The following MARK4 variants were observed in gnomAD, a reference collection of about 807,000 sequenced individuals.
MARK4 encodes the protein MAP/microtubule affinity-regulating kinase 4.
A neutral mutation model predicts 81.5 loss-of-function variants in MARK4; 19 were observed. The observed-to-expected ratio is 0.23, with a 90% confidence interval of 0.16 to 0.34. The LOEUF (loss-of-function observed/expected upper bound fraction) is 0.34. MARK4 is among the 10% of genes least tolerant of loss of function. MARK4 has a pLI of 1.00. For missense variants in MARK4, 772 were observed against 1,058.8 expected, an observed-to-expected ratio of 0.73 and a Z score of 3.76; for synonymous variants, 436 against 439.0, an observed-to-expected ratio of 0.99 and a Z score of 0.08.
chr19:45,289,897 G>A (rs1970799422), intron 13 of MARK4, among the ~76,000 whole-genome samples: 1 of 152,184 alleles, frequency 6.6e-6, no homozygotes, highest in South Asian at 2.1e-4. Flanking sequence ...AGGAGTTCGA[G>A]ACCAACCTGT....
At chr19:45,286,300 C>T (rs1474942390) in intron 12 of MARK4, among the ~76,000 whole-genome samples, 5 of 151,930 alleles carry the variant, frequency 3.3e-5, no homozygotes, top group Admixed American at 6.5e-5. Flanking sequence ...GTGATCCACC[C>T]GCCTTAGCCT....
chr19:45,257,988 C>CT (rs750146000), intron 1 of MARK4, among the ~76,000 whole-genome samples: 2,818 of 131,642 alleles, frequency 0.021, 73 homozygotes, highest in African/African-American at 0.063. Context: ...CATGCCTGGC[C>CT]TTTTTTTTTT....
chr19:45,277,681 T>C (rs1970616256), intron 8 of MARK4, among the ~76,000 whole-genome samples: 1 of 152,008 alleles, frequency 6.6e-6, no homozygotes, highest in Non-Finnish European at 1.5e-5. Flanking sequence ...AATTTTTTTT[T>C]TTAAATTGCA....
chr19:45,280,538 G>C, intron 11 of MARK4, 37 bp from the exon 12 acceptor site: 2 of 1,614,020 alleles, frequency 1.2e-6, no homozygotes, highest in Non-Finnish European at 1.7e-6. Flanking sequence ...GGAGGGACTT[G>C]GGGTGCAGAA....
Position 45,271,732 on chromosome 19 carries a change from G to A in MARK4, c.786+24G>A, listed in dbSNP as rs1416511279. Reference sequence around the variant, plus strand: ...AGGTACCGAGAGGGGCTGGGTGCAGGGGCATCAGCCCCTCCCCACAGTCAG... The same window carrying A: ...AGGTACCGAGAGGGGCTGGGTGCAGAGGCATCAGCCCCTCCCCACAGTCAG... On this transcript the variant is annotated intron_variant, in intron 8 of 16. Transcript: ENST00000262891. The surrounding 1 kb of genome is among the most constrained non-coding windows in gnomAD (Gnocchi z 4.1). The A allele has an allele frequency of 6.2e-7, 1 of 1,602,972 alleles. No individual in the cohort carries two copies. Among genetic ancestry groups the A allele is most frequent in the Non-Finnish European group, 8.5e-7 (1 of 1,171,676 alleles).
chr19:45,271,740 GC>G lies in MARK4; in HGVS notation c.786+36del. ...AGAGGGGCTGGGTGCAGGGGCATCA[GC>G]CCCTCCCCACAGTCAGGCCCCTATC... is the stretch of plus-strand genomic sequence containing the variant. On this transcript the variant is annotated intron_variant, in intron 8 of 16. Coordinates refer to ENST00000262891, the MANE Select transcript of MARK4 (RefSeq NM_001199867.2). The surrounding 1 kb of genome is among the most constrained non-coding windows in gnomAD (Gnocchi z 4.1). 1.3e-6 allele frequency: 2 copies of G among 1,597,910 alleles called. No homozygotes were observed. The highest frequency in any genetic ancestry group is 1.7e-6 in the Non-Finnish European group (2 of 1,168,708).
intron 8 of MARK4, among the ~76,000 whole-genome samples, chr19:45,277,694 G>A (rs1055927696): frequency 2.0e-5 from 3 of 151,740 alleles, no homozygotes; most frequent in Admixed American, 6.6e-5. Context: ...AAATTGCAGC[G>A]TCCATATGAT....
rs775536202 is a variant in MARK4 at position 45,264,917 on chromosome 19, G to C, written c.492+7G>C. On this transcript the variant is annotated splice_region_variant and intron_variant, in intron 6 of 16. Coordinates refer to ENST00000262891, the MANE Select transcript of MARK4 (RefSeq NM_001199867.2). ...TCGAGCCAAGTTCCGACAGGTTGGG[G>C]CAGGGCTGAGGGTGGGGCTGACTGG... 6 of 1,614,016 alleles carry C rather than the reference G, an allele frequency of 3.7e-6. No individual in the cohort carries two copies. Among genetic ancestry groups the C allele is most frequent in the Non-Finnish European group, 5.1e-6 (6 of 1,179,930 alleles).
chr19:45,304,049 A>G lies in MARK4; in HGVS notation c.*1339A>G, dbSNP rs1408822974. 2 of 152,240 alleles carry G rather than the reference A, an allele frequency of 1.3e-5. No individual in the cohort carries two copies. Among genetic ancestry groups the G allele is most frequent in the Admixed American group, 1.3e-4 (2 of 15,284 alleles). The allele number at this position is 152,240 out of a possible 1,614,324, so 9.4% of individuals were successfully genotyped here. A position where few individuals can be genotyped will look rare whatever the true frequency, so the allele number is the denominator to read the frequency against. ...TAATCCATCTACGCTGCTTAAGCAA[A>G]AAGGTATTTGTTGGTTTATGTTACT... On this transcript the variant is annotated 3_prime_UTR_variant, in exon 17 of 17. Transcript: ENST00000262891.
intron 3 of MARK4, 43 bp from the exon 4 acceptor site, chr19:45,263,276 C>G (rs1970404005): frequency 6.2e-7 from 1 of 1,614,096 alleles, no homozygotes; most frequent in Non-Finnish European, 8.5e-7. Flanking sequence ...CCCCAAGCCA[C>G]CCACCCTCAC....
chr19:45,259,585 C>T (rs1970354524), intron 2 of MARK4, among the ~76,000 whole-genome samples: 1 of 151,314 alleles, frequency 6.6e-6, no homozygotes, highest in Non-Finnish European at 1.5e-5. Context: ...AACATAGCAA[C>T]ACTTTGTCTC....
At chr19:45,278,108 C>G in intron 9 of MARK4, 66 bp downstream of exon 9, 1 of 1,589,772 alleles carries the variant, frequency 6.3e-7, no homozygotes, top group South Asian at 1.1e-5. Context: ...CTCTGCCTGC[C>G]CCCACCCACA....
chr19:45,283,578 T>C (rs767910145), intron 12 of MARK4, among the ~76,000 whole-genome samples: 6 of 152,174 alleles, frequency 3.9e-5, no homozygotes, highest in Non-Finnish European at 7.3e-5. Flanking sequence ...AGCAGAAAGT[T>C]TTCAAGGTTC....
intron 13 of MARK4, chr19:45,288,159 T>C (rs1032278367): frequency 3.0e-5 from 5 of 166,906 alleles, no homozygotes; most frequent in Non-Finnish European, 6.5e-5. Flanking sequence ...GCCCAGGAGG[T>C]TGAGGCTACA....
At chr19:45,280,278 G>A in intron 10 of MARK4, 96 bp from the exon 11 acceptor site, 12 of 1,099,292 alleles carry the variant, frequency 1.1e-5, no homozygotes, top group Non-Finnish European at 1.7e-5. Context: ...CTCCAGCCTG[G>A]GTGACAGAGT....
rs1436462487 is a variant in MARK4 at position 45,287,892 on chromosome 19, C to G, written c.1494+228C>G. ...ATTAGTGTTCTGTGTCAAAGAAGTGCAGAACGTACTCTTGGCAGAAAGGAT... is the reference window on the plus strand; with the variant it reads ...ATTAGTGTTCTGTGTCAAAGAAGTGGAGAACGTACTCTTGGCAGAAAGGAT... On this transcript the variant is annotated intron_variant, in intron 13 of 16. Transcript: ENST00000262891. The G allele has an allele frequency of 1.2e-5, 7 of 606,438 alleles. No homozygotes were observed. The Admixed American group carries it at 1.9e-4, about 16-fold the overall frequency. The allele number at this position is 606,438 out of a possible 1,614,324, so 37.6% of individuals were successfully genotyped here.
At chr19:45,256,748 T>G (rs2123023972) in intron 1 of MARK4, among the ~76,000 whole-genome samples, 1 of 152,312 alleles carries the variant, frequency 6.6e-6, no homozygotes, top group South Asian at 2.1e-4. Flanking sequence ...TTTTCGCACT[T>G]TGCCTTATTG....
At chr19:45,268,597 A>AGAAAAAAAAT (rs1004634938) in intron 7 of MARK4, among the ~76,000 whole-genome samples, 1 of 151,280 alleles carries the variant, frequency 6.6e-6, no homozygotes, top group Non-Finnish European at 1.5e-5. Flanking sequence ...AAAAAAAAAA[A>AGAAAAAAAAT]GAAAAAAAAT....
chr19:45,281,204 C>T (rs939547443), intron 12 of MARK4, among the ~76,000 whole-genome samples: 3 of 151,812 alleles, frequency 2.0e-5, no homozygotes, highest in Non-Finnish European at 4.4e-5. Context: ...AGGCGCCTGC[C>T]ATAACCCCCC....
Sources: gnomAD v4.1 joint callset for allele counts (sites outside exome capture counted in the v4.1 genomes callset) on GRCh38, gnomAD v4.1.1 for gene constraint, Gnocchi (gnomAD v3.1) non-coding constraint, MANE v1.5 for transcripts, NCBI Gene and HGNC (gene_info 2026-07-23, HGNC 2026-07-21) for gene names.